The following OSBPL5 variants were observed in gnomAD, a reference collection of about 807,000 sequenced individuals.
The protein encoded by OSBPL5 is oxysterol-binding protein-related protein 5.
In OSBPL5, 71 loss-of-function variants were observed where a neutral mutation model predicts 111.2. The observed-to-expected ratio is 0.64, with a 90% confidence interval of 0.53 to 0.78. OSBPL5 has a LOEUF of 0.78. Among genes scored for constraint, OSBPL5 ranks in the 30% least tolerant of loss-of-function variants. The pLI, the probability that OSBPL5 is intolerant of heterozygous loss-of-function variation, is 0.00. For synonymous variants in OSBPL5, 549 were observed against 513.9 expected, an observed-to-expected ratio of 1.07 and a Z score of -0.93; for missense variants, 1,210 against 1,189.3, an observed-to-expected ratio of 1.02 and a Z score of -0.26.
At chr11:3,135,775 AC>A (rs1338091048) in intron 1 of OSBPL5, among the ~76,000 whole-genome samples, 2 of 147,566 alleles carry the variant, frequency 1.4e-5, no homozygotes, top group African/African-American at 2.5e-5. Flanking sequence ...CCACTGCTTG[AC>A]CCCCCTTCCT....
At chr11:3,132,776 C>T (rs1026276893) in intron 1 of OSBPL5, among the ~76,000 whole-genome samples, 2 of 152,340 alleles carry the variant, frequency 1.3e-5, no homozygotes, top group East Asian at 3.9e-4. Context: ...GAGGGCTCCA[C>T]ATTGCACTTC....
intron 1 of OSBPL5, among the ~76,000 whole-genome samples, chr11:3,131,722 CCATCCATCCATCCTCCCAGG>C (rs1407713730): frequency 6.7e-6 from 1 of 148,834 alleles, no homozygotes; most frequent in Non-Finnish European, 1.5e-5. Flanking sequence ...ATCCATCCAT[CCATCCATCCATCCTCCCAGG>C]CATCCATCCA....
chr11:3,131,699 TATCCATCCATCCATCCATCC>T (rs796941353), intron 1 of OSBPL5, among the ~76,000 whole-genome samples: 1 of 78,986 alleles, frequency 1.3e-5, no homozygotes, highest in African/African-American at 4.3e-5. Flanking sequence ...CCCATTCATC[TATCCATCCATCCATCCATCC>T]ATCCATCCAT....
intron 1 of OSBPL5, among the ~76,000 whole-genome samples, chr11:3,157,294 C>T (rs997012964): frequency 6.6e-6 from 1 of 152,164 alleles, no homozygotes; most frequent in Admixed American, 6.5e-5. Flanking sequence ...AGACCCTGAC[C>T]CGTAAAAGGA....
chr11:3,129,352 G>T (rs575438752), intron 1 of OSBPL5, 183 bp from the exon 2 acceptor site: 16 of 471,226 alleles, frequency 3.4e-5, no homozygotes, highest in African/African-American at 1.6e-4. Flanking sequence ...CAGCTCAGGC[G>T]AATGGCTTTG....
At chr11:3,094,553 G>GGGAGGCA (rs1857190493) in intron 14 of OSBPL5, 2 of 302,358 alleles carry the variant, frequency 6.6e-6, no homozygotes, top group Non-Finnish European at 1.2e-5. Flanking sequence ...CCTGGGAGGT[G>GGGAGGCA]CGGAGCCTGG....
intron 1 of OSBPL5, among the ~76,000 whole-genome samples, chr11:3,159,957 T>A (rs543493209): frequency 6.6e-6 from 1 of 152,272 alleles, no homozygotes; most frequent in East Asian, 1.9e-4. Flanking sequence ...TCCGGCTGCG[T>A]CTTCCTCGGC....
At chr11:3,145,110 C>T (rs112285365) in intron 1 of OSBPL5, among the ~76,000 whole-genome samples, 2,021 of 152,346 alleles carry the variant, frequency 0.013, 46 homozygotes, top group African/African-American at 0.046. Context: ...CCATCCCTCC[C>T]GCTCTGCCTG....
chr11:3,132,580 T>C (rs565118666), intron 1 of OSBPL5, among the ~76,000 whole-genome samples: 9 of 151,900 alleles, frequency 5.9e-5, no homozygotes, highest in African/African-American at 2.2e-4. Flanking sequence ...CAGCCCACTC[T>C]GTCGCCCACT....
intron 1 of OSBPL5, among the ~76,000 whole-genome samples, chr11:3,163,100 CCT>C (rs1847013973): frequency 2.6e-5 from 4 of 152,228 alleles, no homozygotes; most frequent in African/African-American, 9.7e-5. Context: ...TCTACAACCC[CCT>C]GTCCCGGAGG....
chr11:3,107,064 C>CCAGT lies in OSBPL5; in HGVS notation c.1059+198_1059+199insACTG, dbSNP rs375973096. On this transcript the variant is annotated intron_variant, in intron 9 of 21. Coordinates refer to ENST00000263650, the MANE Select transcript of OSBPL5 (RefSeq NM_020896.4). This position sits in a 1 kb window ranked among gnomAD's most constrained non-coding sequence, Gnocchi z 6.1. ...GCATGCCAGCCAGCCAGCCAGCCAG[C>CCAGT]GGGGCAGCCTCTTTGGAAGACGGGA... Among the ~76,000 whole-genome samples the CCAGT allele has an allele frequency of 8.5e-5, 13 of 152,174 alleles. 1 individual carries two copies. The highest frequency in any genetic ancestry group is 2.4e-4 in the African/African-American group (10 of 41,542).
At chr11:3,089,335 G>A (rs1362837690) in intron 21 of OSBPL5, among the ~76,000 whole-genome samples, 1 of 152,244 alleles carries the variant, frequency 6.6e-6, no homozygotes, top group East Asian at 1.9e-4. Context: ...CTTTGGACCC[G>A]AGAGGGACCC....
At chr11:3,119,823 T>A (rs1054719307) in intron 6 of OSBPL5, 192 bp from the exon 7 acceptor site, 7 of 535,420 alleles carry the variant, frequency 1.3e-5, no homozygotes, top group Non-Finnish European at 2.3e-5. Context: ...GTGGGGGAGC[T>A]CTGTCCCCTT....
At chr11:3,147,834 G>A (rs2134531742) in intron 1 of OSBPL5, among the ~76,000 whole-genome samples, 1 of 152,288 alleles carries the variant, frequency 6.6e-6, no homozygotes, top group South Asian at 2.1e-4. Context: ...GCAAGTGGGA[G>A]TTGATGCGAG....
At chr11:3,147,194 C>T (rs1468152940) in intron 1 of OSBPL5, among the ~76,000 whole-genome samples, 4 of 152,226 alleles carry the variant, frequency 2.6e-5, no homozygotes, top group Admixed American at 2.6e-4. Flanking sequence ...ACTTGGGACT[C>T]CTGCTCCAGA....
chr11:3,158,506 G>C (rs959529881), intron 1 of OSBPL5, among the ~76,000 whole-genome samples: 1 of 152,232 alleles, frequency 6.6e-6, no homozygotes, highest in Non-Finnish European at 1.5e-5. Flanking sequence ...TGGGAAAGTG[G>C]GGCGTCCTCG....
intron 14 of OSBPL5, chr11:3,094,540 GAGCCT>G: frequency 4.0e-6 from 1 of 252,282 alleles, no homozygotes; most frequent in Non-Finnish European, 7.0e-6. Flanking sequence ...TGGGGGTGCG[GAGCCT>G]GGGAGGTGCG....
rs1013139818 is a variant in OSBPL5, at chr11:3,087,429, C to T, written c.*776G>A. ...ATTAAAAAAGTGTAAAATGGGAAGA[C>T]TGTGCATCGGTCTGAGTAAAGTGGC... is the stretch of plus-strand genomic sequence containing the variant. On this transcript the variant is annotated 3_prime_UTR_variant, in exon 22 of 22. Coordinates refer to ENST00000263650, the MANE Select transcript of OSBPL5 (RefSeq NM_020896.4). 2 of 154,658 alleles carry T rather than the reference C, an allele frequency of 1.3e-5. No homozygotes were observed. Among genetic ancestry groups the T allele is most frequent in the African/African-American group, 4.8e-5 (2 of 41,648 alleles). 9.6% of individuals were successfully genotyped at this position (154,658 alleles called of 1,614,324 possible). A position where few individuals can be genotyped will look rare whatever the true frequency, so the allele number is the denominator to read the frequency against.
chr11:3,136,118 C>T (rs1845942274), intron 1 of OSBPL5, among the ~76,000 whole-genome samples: 1 of 152,234 alleles, frequency 6.6e-6, no homozygotes, highest in South Asian at 2.1e-4. Flanking sequence ...GGATGCTTGC[C>T]TCTGGACACC....
Sources: gnomAD v4.1 joint callset for allele counts (sites outside exome capture counted in the v4.1 genomes callset) on GRCh38, gnomAD v4.1.1 for gene constraint, Gnocchi (gnomAD v3.1) non-coding constraint, MANE v1.5 for transcripts, NCBI Gene and HGNC (gene_info 2026-07-23, HGNC 2026-07-21) for gene names.